The following FOXP2 variants were observed in gnomAD, a reference collection of about 807,000 sequenced individuals.
The protein encoded by FOXP2 is forkhead box protein P2.
FOXP2 carries 12 observed loss-of-function variants against 115.8 expected under a neutral mutation model. The ratio of observed to expected loss-of-function variants is 0.10; its 90% confidence interval spans 0.07 to 0.17. The LOEUF (loss-of-function observed/expected upper bound fraction) is 0.17. Ranked by LOEUF, FOXP2 falls within the 10% of genes least tolerant of loss-of-function variation. FOXP2 has a pLI of 1.00. For synonymous variants in FOXP2, 328 were observed against 297.7 expected, an observed-to-expected ratio of 1.10 and a Z score of -1.05; for missense variants, 629 against 843.5, an observed-to-expected ratio of 0.75 and a Z score of 3.15.
chr7:114,104,388 A>G (rs1333226380), intron 1 of FOXP2, among the ~76,000 whole-genome samples: 1 of 151,948 alleles, frequency 6.6e-6, no homozygotes, highest in Middle Eastern at 3.2e-3. Context: ...TGAGATATGC[A>G]TGGCTAATTA....
At chr7:114,160,030 T>C (rs553693431), upstream of FOXP2, among the ~76,000 whole-genome samples, 10 of 152,300 alleles carry the variant, frequency 6.6e-5, no homozygotes, top group Admixed American at 3.9e-4. Context: ...GAGCATGCAT[T>C]CCTTCCTGGT....
intron 2 of FOXP2, among the ~76,000 whole-genome samples, chr7:114,408,456 G>A (rs560368453): frequency 1.3e-5 from 2 of 152,178 alleles, no homozygotes; most frequent in Non-Finnish European, 2.9e-5. Flanking sequence ...GCCAGGCGCA[G>A]TGGCTCACAC....
chr7:114,453,963 G>A (rs1320249217), intron 2 of FOXP2, among the ~76,000 whole-genome samples: 1 of 152,026 alleles, frequency 6.6e-6, no homozygotes, highest in Non-Finnish European at 1.5e-5. Context: ...CATGGGCAAG[G>A]ACTTCATGTC....
upstream of FOXP2, among the ~76,000 whole-genome samples, chr7:114,411,771 A>C (rs531940198): frequency 2.3e-3 from 354 of 152,232 alleles, no homozygotes; most frequent in Non-Finnish European, 4.1e-3. Flanking sequence ...AGAGAGAAGA[A>C]CCAAGTCTTC....
rs759256511 is a variant in FOXP2, at chr7:114,642,617, G to A, written c.983G>A (p.Arg328Gln). Reference sequence around the variant, plus strand: ...CAGTCTTCAGTTCTAAGTGCAAGACGAGACAGGTAAATCTCATGAGCTTTA... The same window carrying A: ...CAGTCTTCAGTTCTAAGTGCAAGACAAGACAGGTAAATCTCATGAGCTTTA... ...NGQSSVLSAR[R>Q]DSSSHEETGA... Residue 328 changes from arginine to glutamine, a missense_variant, in exon 7 of 17, where the codon CGA (arginine) becomes CAA (glutamine). This residue lies in a region of FOXP2 where 92 missense variants were observed against 80.1 expected (regional missense o/e 1.15). Transcript: ENST00000350908. 5 of 1,611,964 alleles carry A rather than the reference G, an allele frequency of 3.1e-6. No homozygotes were observed. The highest frequency in any genetic ancestry group is 1.7e-5 in the Admixed American group (1 of 59,982).
rs184254956 is a variant in FOXP2 at position 114,492,327 on chromosome 7, G to C, written c.169-42290G>C. Among the ~76,000 whole-genome samples, 24 of 151,874 alleles carry C rather than the reference G, an allele frequency of 1.6e-4. No homozygotes were observed. The South Asian group carries it at 3.5e-3, about 22-fold the overall frequency. ...TTCCTTCTTTATTAGTCTCGCTAGC[G>C]GTCTATCAATTTTGTTGATCTTTTC... is the stretch of plus-strand genomic sequence containing the variant. On this transcript the variant is annotated intron_variant, in intron 2 of 16. Coordinates refer to ENST00000350908, the MANE Select transcript of FOXP2 (RefSeq NM_014491.4).
chr7:114,104,545 A>G (rs932280139), intron 1 of FOXP2, among the ~76,000 whole-genome samples: 4 of 152,004 alleles, frequency 2.6e-5, no homozygotes, highest in African/African-American at 7.2e-5. Flanking sequence ...AACTATTGAT[A>G]TGTACATTTT....
intron 2 of FOXP2, among the ~76,000 whole-genome samples, chr7:114,294,863 A>AATACATAC (rs1334023195): frequency 6.7e-6 from 1 of 150,236 alleles, no homozygotes; most frequent in African/African-American, 2.5e-5. Flanking sequence ...TAAATAAATA[A>AATACATAC]ATACATACAT....
chr7:114,099,938 A>G (rs1281390402), intron 1 of FOXP2, among the ~76,000 whole-genome samples: 3 of 152,226 alleles, frequency 2.0e-5, no homozygotes, highest in Non-Finnish European at 2.9e-5. Context: ...AAAATTGATG[A>G]CTACTTGAGG....
intron 2 of FOXP2, among the ~76,000 whole-genome samples, chr7:114,461,780 C>T (rs1401365547): frequency 6.6e-6 from 1 of 152,078 alleles, no homozygotes; most frequent in African/African-American, 2.4e-5. Context: ...CTGCAAGGCA[C>T]TAGGCTGGAT....
intron 1 of FOXP2, among the ~76,000 whole-genome samples, chr7:114,253,553 C>T (rs565309913): frequency 6.6e-6 from 1 of 151,912 alleles, no homozygotes; most frequent in South Asian, 2.1e-4. Context: ...GTAATGGCCT[C>T]ATTTGTCTCT....
intron 2 of FOXP2, among the ~76,000 whole-genome samples, chr7:114,379,116 T>A (rs2129191260): frequency 6.6e-6 from 1 of 152,208 alleles, no homozygotes; most frequent in South Asian, 2.1e-4. Flanking sequence ...TAGAGTGAAA[T>A]AGAGTGAAAA....
intron 8 of FOXP2, among the ~76,000 whole-genome samples, chr7:114,646,953 A>G (rs1364215847): frequency 1.3e-5 from 2 of 151,976 alleles, no homozygotes; most frequent in Non-Finnish European, 2.9e-5. Flanking sequence ...GGATTTGGGG[A>G]GCAAAATGAT....
At chr7:114,503,939 TAAAGA>T (rs943956432) in intron 2 of FOXP2, among the ~76,000 whole-genome samples, 8 of 151,426 alleles carry the variant, frequency 5.3e-5, no homozygotes, top group African/African-American at 1.9e-4. Flanking sequence ...TAATGTTCAT[TAAAGA>T]AAAGACCATA....
intron 2 of FOXP2, among the ~76,000 whole-genome samples, chr7:114,404,261 A>G (rs945069586): frequency 2.0e-5 from 3 of 152,182 alleles, no homozygotes; most frequent in Non-Finnish European, 1.5e-5. Context: ...GTAAATAAGA[A>G]TTTGGACATA....
At chr7:114,344,682 T>G (rs1791298781) in intron 2 of FOXP2, among the ~76,000 whole-genome samples, 2 of 151,860 alleles carry the variant, frequency 1.3e-5, no homozygotes, top group Non-Finnish European at 2.9e-5. Context: ...TAACCAATGT[T>G]TAAGATCATA....
At chr7:114,210,405 G>C (rs1794313782) in intron 1 of FOXP2, among the ~76,000 whole-genome samples, 3 of 152,130 alleles carry the variant, frequency 2.0e-5, no homozygotes, top group Non-Finnish European at 4.4e-5. Flanking sequence ...CCATAGGGCT[G>C]CTGCAGTTTG....
chr7:114,672,016 G>A (rs1205402569), intron 16 of FOXP2, among the ~76,000 whole-genome samples: 1 of 152,014 alleles, frequency 6.6e-6, no homozygotes, highest in East Asian at 1.9e-4. Flanking sequence ...CATTAGAATA[G>A]CATTAAATAA....
chr7:114,403,631 A>G (rs1444332960), intron 2 of FOXP2, among the ~76,000 whole-genome samples: 1 of 152,198 alleles, frequency 6.6e-6, no homozygotes, highest in Non-Finnish European at 1.5e-5. Context: ...ATACAAGGAT[A>G]CTATAGCTTA....
Sources: allele counts gnomAD v4.1 joint callset (sites outside exome capture counted in the v4.1 genomes callset), GRCh38; gene constraint gnomAD v4.1.1; regional missense constraint gnomAD v4.1.1; transcripts MANE v1.5; gene names NCBI Gene and HGNC (gene_info 2026-07-23, HGNC 2026-07-21).